DLG2: variants seen among roughly 807,000 people sequenced by gnomAD.
The protein encoded by DLG2 is disks large homolog 2.
In DLG2, 45 loss-of-function variants were observed where a neutral mutation model predicts 132.5. The ratio of observed to expected loss-of-function variants is 0.34; its 90% CI spans 0.27 to 0.44. The LOEUF (loss-of-function observed/expected upper bound fraction) is 0.44. Among genes scored for constraint, DLG2 ranks in the 20% least tolerant of loss-of-function variants. The pLI is 1.00. For missense variants in DLG2, 1,045 were observed against 1,196.9 expected (o/e 0.87, Z 1.87); for synonymous variants, 424 against 419.6 (o/e 1.01, Z -0.13).
intron 15 of DLG2, among the ~76,000 whole-genome samples, chr11:83,906,249 TCTCTCTCTCACACA>T (rs2074837228): frequency 2.0e-5 from 2 of 97,718 alleles, no homozygotes; most frequent in African/African-American, 4.0e-5. Flanking sequence ...TCTCTCTCTC[TCTCTCTCTCACACA>T]CACACACACA....
chr11:84,113,217 T>A (rs887480707), intron 9 of DLG2, among the ~76,000 whole-genome samples: 1 of 152,224 alleles, frequency 6.6e-6, no homozygotes, highest in Non-Finnish European at 1.5e-5. Context: ...TTCTTAAATA[T>A]TGACCTTTGA....
intron 9 of DLG2, among the ~76,000 whole-genome samples, chr11:84,152,340 G>GTT (rs561322110): frequency 1.4e-4 from 21 of 148,480 alleles, no homozygotes; most frequent in African/African-American, 4.7e-4. Flanking sequence ...CTGTTTGTTT[G>GTT]TTTGTTTTTT....
At chr11:83,673,676 G>C (rs1480973100) in intron 18 of DLG2, among the ~76,000 whole-genome samples, 2 of 152,112 alleles carry the variant, frequency 1.3e-5, no homozygotes, top group Non-Finnish European at 2.9e-5. Context: ...ACAGTGTCTT[G>C]AACATTGTGG....
chr11:84,260,106 T>C (rs187865502), intron 7 of DLG2, among the ~76,000 whole-genome samples: 2 of 152,268 alleles, frequency 1.3e-5, no homozygotes, highest in African/African-American at 4.8e-5. Flanking sequence ...CCTATGAATA[T>C]CCTAAAGACC....
intron 6 of DLG2, among the ~76,000 whole-genome samples, chr11:84,850,977 C>T (rs1263271927): frequency 1.3e-5 from 2 of 152,096 alleles, no homozygotes; most frequent in African/African-American, 4.8e-5. Flanking sequence ...AACTAATCTA[C>T]AAATTTCATG....
chr11:84,289,426 CA>C (rs907936167), intron 7 of DLG2, among the ~76,000 whole-genome samples: 1 of 151,886 alleles, frequency 6.6e-6, no homozygotes, highest in South Asian at 2.1e-4. Flanking sequence ...AGTGAGGGAT[CA>C]AAAAATAATT....
intron 11 of DLG2, among the ~76,000 whole-genome samples, chr11:84,049,691 C>T (rs551353605): frequency 2.6e-5 from 4 of 151,778 alleles, no homozygotes; most frequent in Non-Finnish European, 5.9e-5. Flanking sequence ...TTAGAATTAG[C>T]GGTTTCTTTA....
chr11:85,273,072 T>C (rs1014426777), intron 4 of DLG2, among the ~76,000 whole-genome samples: 2 of 152,154 alleles, frequency 1.3e-5, no homozygotes, highest in Non-Finnish European at 2.9e-5. Flanking sequence ...TGAAACTGGA[T>C]CCCTTCCTTA....
intron 3 of DLG2, among the ~76,000 whole-genome samples, chr11:85,556,195 T>C (rs2076934029): frequency 1.3e-5 from 2 of 151,798 alleles, no homozygotes; most frequent in South Asian, 4.1e-4. Context: ...AGTCTACTCA[T>C]TGCGTGTTTA....
chr11:84,719,393 A>T (rs1369284467), intron 6 of DLG2, among the ~76,000 whole-genome samples: 1 of 152,216 alleles, frequency 6.6e-6, no homozygotes, highest in Non-Finnish European at 1.5e-5. Context: ...TAGTAGCCAC[A>T]TGAAGTGTTT....
chr11:84,228,017 T>A (rs965338725), intron 8 of DLG2, among the ~76,000 whole-genome samples: 1 of 152,144 alleles, frequency 6.6e-6, no homozygotes, highest in Non-Finnish European at 1.5e-5. Context: ...TGTTGTATTA[T>A]CTGATTATCT....
chr11:84,384,868 G>A (rs2154435480), intron 7 of DLG2, among the ~76,000 whole-genome samples: 1 of 152,120 alleles, frequency 6.6e-6, no homozygotes, highest in East Asian at 1.9e-4. Flanking sequence ...TAATTCACAA[G>A]ACTTCACAAC....
intron 18 of DLG2, among the ~76,000 whole-genome samples, chr11:83,653,875 A>G (rs1051087428): frequency 2.0e-5 from 3 of 151,984 alleles, no homozygotes; most frequent in African/African-American, 7.3e-5. Flanking sequence ...GGCATGCACC[A>G]CCACACCTAG....
intron 18 of DLG2, among the ~76,000 whole-genome samples, chr11:83,657,835 C>T (rs2073114353): frequency 6.6e-6 from 1 of 152,180 alleles, no homozygotes; most frequent in South Asian, 2.1e-4. Flanking sequence ...CCACCGCGCC[C>T]AGCCTATATT....
intron 7 of DLG2, among the ~76,000 whole-genome samples, chr11:84,460,163 T>C (rs1602513413): frequency 1.3e-5 from 2 of 150,660 alleles, no homozygotes; most frequent in South Asian, 2.1e-4. Context: ...TTTATGGTAA[T>C]AGATTTCTAA....
chr11:83,558,735 T>G (rs1026710871), intron 19 of DLG2, among the ~76,000 whole-genome samples: 6 of 152,160 alleles, frequency 3.9e-5, no homozygotes, highest in African/African-American at 1.2e-4. Context: ...GATCACATCA[T>G]TAGCCCTCAG....
chr11:84,708,979 T>C (rs946720353), intron 6 of DLG2, among the ~76,000 whole-genome samples: 4 of 151,878 alleles, frequency 2.6e-5, no homozygotes, highest in African/African-American at 9.7e-5. Context: ...AGTTGTCTAG[T>C]TGAATACCAT....
chr11:85,122,612 A>G (rs2074451757), intron 5 of DLG2, among the ~76,000 whole-genome samples: 1 of 152,086 alleles, frequency 6.6e-6, no homozygotes, highest in Non-Finnish European at 1.5e-5. Flanking sequence ...AAAATCAACT[A>G]AGGATACAAA....
intron 3 of DLG2, among the ~76,000 whole-genome samples, chr11:85,488,782 TAA>T (rs2093490710): frequency 6.6e-6 from 1 of 151,994 alleles, no homozygotes; most frequent in South Asian, 2.1e-4. Context: ...GAAGGAGAAA[TAA>T]AGTCTTTCCC....
Sources: allele counts gnomAD v4.1 joint callset (sites outside exome capture counted in the v4.1 genomes callset), GRCh38; gene constraint gnomAD v4.1.1; transcripts MANE v1.5; gene names NCBI Gene and HGNC (gene_info 2026-07-23, HGNC 2026-07-21).